EHBP1: variants seen among roughly 807,000 people sequenced by gnomAD.
The protein encoded by EHBP1 is EH domain binding protein 1.
A neutral mutation model predicts 144.0 loss-of-function variants in EHBP1; 55 were observed. That is an observed-to-expected ratio of 0.38 (90% CI 0.31 to 0.48). The LOEUF (loss-of-function observed/expected upper bound fraction) is 0.48, where lower values mean the gene tolerates loss of function less well. Ranked by LOEUF, EHBP1 falls within the 20% of genes least tolerant of loss-of-function variation. The pLI is 0.98. For synonymous variants in EHBP1, 469 were observed against 472.7 expected, an observed-to-expected ratio of 0.99 and a Z score of 0.10; for missense variants, 1,200 against 1,364.2, an observed-to-expected ratio of 0.88 and a Z score of 1.90.
intron 5 of EHBP1, among the ~76,000 whole-genome samples, chr2:62,822,586 T>C (rs1297983903): frequency 6.6e-6 from 1 of 152,214 alleles, no homozygotes; most frequent in Non-Finnish European, 1.5e-5. Context: ...AGGATGAGAA[T>C]TGTTGAGTTG....
At chr2:62,749,053 T>C (rs1001928317) in intron 3 of EHBP1, among the ~76,000 whole-genome samples, 1 of 152,240 alleles carries the variant, frequency 6.6e-6, no homozygotes. Context: ...GTTACATATG[T>C]ATACATGTGC....
At position 62,674,984 on chromosome 2, in the gene EHBP1, G is replaced by T. The variant is rs565349737; in HGVS notation, c.-296+901G>T. Among the ~76,000 whole-genome samples the T allele has an allele frequency of 4.6e-5, 7 of 152,292 alleles. No individual in the cohort carries two copies. The East Asian group carries it at 1.3e-3, about 29-fold the overall frequency. Reference sequence around the variant, plus strand: ...GTTAACCTTGGTCAAAAAAGTTTGAGAATTAGTGGTCAGAGAGGGAGAACT... The same window carrying T: ...GTTAACCTTGGTCAAAAAAGTTTGATAATTAGTGGTCAGAGAGGGAGAACT... On this transcript the variant is annotated intron_variant, in intron 1 of 22. Transcript: ENST00000405015.
chr2:62,767,138 T>C (rs959573275), intron 4 of EHBP1, among the ~76,000 whole-genome samples: 3 of 152,090 alleles, frequency 2.0e-5, no homozygotes, highest in African/African-American at 7.2e-5. Flanking sequence ...AAATTCCAGC[T>C]GTTTATTTAA....
chr2:62,965,340 T>C (rs1011489803), intron 14 of EHBP1, among the ~76,000 whole-genome samples: 3 of 152,212 alleles, frequency 2.0e-5, no homozygotes, highest in African/African-American at 7.2e-5. Flanking sequence ...CATTAAGAAA[T>C]ATGCACGACT....
At position 62,948,962 on chromosome 2, in the gene EHBP1, A is replaced by G; in HGVS notation, c.2116A>G (p.Arg706Gly). The change falls in exon 13 of 23, where the codon AGA becomes GGA. Residue 706 changes from arginine to glycine, a missense_variant. Arg to Gly is a moderately radical substitution (Grantham distance 125). This residue lies in a region of EHBP1 where 543 missense variants were observed against 513.1 expected (regional missense o/e 1.06). Transcript: ENST00000431489. ...NLEKEKLENS[R>G]SLECRSDPES... The stretch of plus-strand genomic sequence containing the variant: ...GGAGAAAGAAAAATTAGAGAATTCC[A>G]GATCCTTAGAATGCAGATCAGATCC... 1 of 1,614,026 alleles carries G rather than the reference A, an allele frequency of 6.2e-7. No individual in the cohort carries two copies. The highest frequency in any genetic ancestry group is 2.2e-5 in the East Asian group (1 of 44,838).
At chr2:62,703,068 C>T (rs115109216), upstream of EHBP1, among the ~76,000 whole-genome samples, 2 of 152,238 alleles carry the variant, frequency 1.3e-5, no homozygotes, top group Non-Finnish European at 2.9e-5. Context: ...GTGGCTCATG[C>T]CTGCAATCCC....
At chr2:62,830,508 G>T (rs1206784476) in intron 6 of EHBP1, among the ~76,000 whole-genome samples, 1 of 151,980 alleles carries the variant, frequency 6.6e-6, no homozygotes, top group Non-Finnish European at 1.5e-5. Flanking sequence ...TTTTTTACTT[G>T]TTCATTTGTT....
At chr2:62,886,723 T>C (rs1165049158) in intron 10 of EHBP1, among the ~76,000 whole-genome samples, 2 of 152,196 alleles carry the variant, frequency 1.3e-5, no homozygotes, top group African/African-American at 4.8e-5. Context: ...TTTTTAATGA[T>C]GATTTAGTTA....
At chr2:62,877,218 C>T (rs2050961622) in intron 10 of EHBP1, among the ~76,000 whole-genome samples, 1 of 152,050 alleles carries the variant, frequency 6.6e-6, no homozygotes, top group African/African-American at 2.4e-5. Context: ...TAATGCTAGA[C>T]AAAACAGACT....
intron 1 of EHBP1, among the ~76,000 whole-genome samples, chr2:62,700,231 T>A (rs961976837): frequency 2.0e-5 from 3 of 152,348 alleles, no homozygotes; most frequent in African/African-American, 7.2e-5. Context: ...TATTAAGAGT[T>A]ATTATTTAAG....
chr2:62,737,444 C>T (rs2038251926), intron 2 of EHBP1, among the ~76,000 whole-genome samples: 1 of 152,160 alleles, frequency 6.6e-6, no homozygotes, highest in Non-Finnish European at 1.5e-5. Context: ...TACAGTTCAG[C>T]TTTCCCTACC....
intron 5 of EHBP1, among the ~76,000 whole-genome samples, chr2:62,819,949 G>A (rs2045773830): frequency 1.3e-5 from 2 of 151,998 alleles, no homozygotes; most frequent in African/African-American, 4.8e-5. Flanking sequence ...GGTGGCTCAT[G>A]CCTATAATCC....
intron 5 of EHBP1, among the ~76,000 whole-genome samples, chr2:62,796,499 A>C (rs552432700): frequency 1.3e-5 from 2 of 152,190 alleles, no homozygotes; most frequent in African/African-American, 4.8e-5. Context: ...AACCATATAC[A>C]TGGATACTTT....
chr2:62,977,313 C>T (rs2058760508), intron 14 of EHBP1, among the ~76,000 whole-genome samples: 2 of 152,186 alleles, frequency 1.3e-5, no homozygotes, highest in South Asian at 4.2e-4. Flanking sequence ...CCTTGTCTGT[C>T]ACTGTTTTTG....
chr2:62,916,084 G>A (rs546369124), intron 10 of EHBP1, among the ~76,000 whole-genome samples: 6 of 152,278 alleles, frequency 3.9e-5, no homozygotes, highest in African/African-American at 9.6e-5. Flanking sequence ...TACTTGGGAG[G>A]CTGAAGTGGG....
intron 19 of EHBP1, among the ~76,000 whole-genome samples, chr2:63,025,387 A>G (rs555287642): frequency 1.3e-5 from 2 of 152,284 alleles, no homozygotes; most frequent in African/African-American, 4.8e-5. Flanking sequence ...TCAGGCTCTG[A>G]GTGGCTGGTA....
At chr2:62,848,807 T>C (rs1262019765) in intron 7 of EHBP1, among the ~76,000 whole-genome samples, 2 of 152,238 alleles carry the variant, frequency 1.3e-5, no homozygotes, top group African/African-American at 2.4e-5. Flanking sequence ...CTTTGGAAGA[T>C]GTTGCAGATG....
chr2:62,729,512 TA>T lies in EHBP1; in HGVS notation c.105-17879del, dbSNP rs2037249024. Among the ~76,000 whole-genome samples, 11 of 98,370 alleles carry T rather than the reference TA, an allele frequency of 1.1e-4. No homozygotes were observed. The South Asian group carries it at 2.4e-3, about 21-fold the overall frequency. The allele number at this position is 98,370 out of a possible 152,430, so 64.5% of individuals were successfully genotyped here. On this transcript the variant is annotated intron_variant, in intron 2 of 22. Transcript: ENST00000431489. ...ATATATAAATATATAATAAATATAA[TA>T]AAATAAATAAATATAATATATATAA...
At chr2:62,941,545 T>G (rs960287995) in intron 10 of EHBP1, among the ~76,000 whole-genome samples, 1 of 152,160 alleles carries the variant, frequency 6.6e-6, no homozygotes, top group African/African-American at 2.4e-5. Context: ...CTTAGTAGTA[T>G]TCTCACAAAA....
Sources: allele counts gnomAD v4.1 joint callset (sites outside exome capture counted in the v4.1 genomes callset), GRCh38; gene constraint gnomAD v4.1.1; regional missense constraint gnomAD v4.1.1; transcripts MANE v1.5; gene names NCBI Gene and HGNC (gene_info 2026-07-23, HGNC 2026-07-21).